Variants in TMEM117 observed in about 807,000 individuals in gnomAD.
TMEM117 encodes the protein transmembrane protein 117.
Under a neutral mutation model 52.4 loss-of-function variants are expected in TMEM117, and 27 were observed. The observed-to-expected ratio is 0.51, with a 90% confidence interval of 0.38 to 0.71. The LOEUF is 0.71. TMEM117 is among the 30% of genes least tolerant of loss of function. TMEM117 has a pLI of 0.00. For synonymous variants in TMEM117, 215 were observed against 206.3 expected (o/e 1.04, Z -0.36); for missense variants, 556 against 630.5 (o/e 0.88, Z 1.26).
intron 3 of TMEM117, among the ~76,000 whole-genome samples, chr12:44,028,857 T>C (rs1291969897): frequency 6.6e-6 from 1 of 152,160 alleles, no homozygotes; most frequent in Non-Finnish European, 1.5e-5. Flanking sequence ...GGAGTCTGGA[T>C]TGGAACTCCT....
chr12:44,289,225 TTG>T (rs59507806), intron 5 of TMEM117, among the ~76,000 whole-genome samples: 5,620 of 145,952 alleles, frequency 0.039, 190 homozygotes, highest in East Asian at 0.13. Flanking sequence ...CTATCCCATT[TTG>T]TGTGTGTGTG....
chr12:44,195,339 A>G (rs1375774585), intron 4 of TMEM117, among the ~76,000 whole-genome samples: 2 of 152,206 alleles, frequency 1.3e-5, no homozygotes, highest in Non-Finnish European at 2.9e-5. Context: ...GCATCCCTGC[A>G]TTGAATCCCT....
chr12:44,100,335 AT>A (rs1329371248), intron 3 of TMEM117, among the ~76,000 whole-genome samples: 4 of 151,974 alleles, frequency 2.6e-5, no homozygotes, highest in South Asian at 2.1e-4. Flanking sequence ...AATACTGGTC[AT>A]TTTTTTATGG....
chr12:44,016,349 C>G (rs1472525145), intron 3 of TMEM117, among the ~76,000 whole-genome samples: 1 of 152,156 alleles, frequency 6.6e-6, no homozygotes, highest in Non-Finnish European at 1.5e-5. Context: ...GCTTGCAGAC[C>G]TAACTTTGGG....
intron 4 of TMEM117, among the ~76,000 whole-genome samples, chr12:44,191,004 C>G (rs933259125): frequency 1.3e-5 from 2 of 150,404 alleles, no homozygotes; most frequent in Admixed American, 1.3e-4. Context: ...CTAATAAAGA[C>G]ATACCTGAGA....
At chr12:43,841,295 A>C (rs1943111598) in intron 1 of TMEM117, among the ~76,000 whole-genome samples, 1 of 152,190 alleles carries the variant, frequency 6.6e-6, no homozygotes, top group South Asian at 2.1e-4. Flanking sequence ...GTATATTAGA[A>C]AGATTAAGGG....
intron 3 of TMEM117, among the ~76,000 whole-genome samples, chr12:43,945,109 CTAAATAAATAAA>C (rs71091187): frequency 7.1e-6 from 1 of 141,648 alleles, no homozygotes; most frequent in Non-Finnish European, 1.5e-5. Flanking sequence ...GACTCCGTCT[CTAAATAAATAAA>C]TAAATAAATA....
rs376533284 is a variant in TMEM117, at chr12:43,907,478, A to G, written c.278-36732A>G. On this transcript the variant is annotated intron_variant, in intron 2 of 7. Coordinates refer to ENST00000266534, the MANE Select transcript of TMEM117 (RefSeq NM_032256.3). ...AGGAACGCAGTTCCTCACCAGCAAC[A>G]GAACAAAGCTGGACGGAGAATGACT... 1.1e-4 allele frequency among the ~76,000 whole-genome samples: 17 copies of G among 151,864 alleles called. 1 individual carries two copies. Among genetic ancestry groups the G allele is most frequent in the South Asian group, 1.1e-3 (5 of 4,752 alleles).
chr12:43,913,436 A>G (rs7307521), intron 2 of TMEM117, among the ~76,000 whole-genome samples: 5,525 of 152,276 alleles, frequency 0.036, 123 homozygotes, highest in Non-Finnish European at 0.041. Context: ...TGTATTAAGT[A>G]TCTGTCCCAT....
At chr12:43,994,052 A>C (rs1945989190) in intron 3 of TMEM117, among the ~76,000 whole-genome samples, 1 of 152,114 alleles carries the variant, frequency 6.6e-6, no homozygotes, top group Non-Finnish European at 1.5e-5. Flanking sequence ...TGGAGATGTT[A>C]ATGTAGAATA....
intron 3 of TMEM117, chr12:44,008,609 T>C (rs1253708541): frequency 4.8e-6 from 1 of 208,044 alleles, no homozygotes; most frequent in Non-Finnish European, 9.6e-6. Context: ...TGAAGCTCTA[T>C]GTGGTAACTC....
At chr12:43,944,604 T>A (rs1478552801) in intron 3 of TMEM117, among the ~76,000 whole-genome samples, 3 of 152,170 alleles carry the variant, frequency 2.0e-5, no homozygotes, top group Non-Finnish European at 4.4e-5. Flanking sequence ...GGTACTAATT[T>A]CATTATACTG....
chr12:44,007,617 T>A (rs1946220227), intron 3 of TMEM117, among the ~76,000 whole-genome samples: 1 of 152,058 alleles, frequency 6.6e-6, no homozygotes. Flanking sequence ...CTAAATAGTA[T>A]TGATATGGTT....
intron 3 of TMEM117, among the ~76,000 whole-genome samples, chr12:44,021,416 A>G (rs910431724): frequency 1.3e-5 from 2 of 152,144 alleles, no homozygotes; most frequent in African/African-American, 4.8e-5. Flanking sequence ...CTCCAGCCTC[A>G]TCCATGTTCC....
intron 6 of TMEM117, among the ~76,000 whole-genome samples, chr12:44,324,885 A>G (rs1195801805): frequency 1.3e-5 from 2 of 152,148 alleles, no homozygotes; most frequent in South Asian, 2.1e-4. Flanking sequence ...TGGTGCAGCA[A>G]TGAACAAGAT....
chr12:44,319,292 C>G (rs951047998), intron 6 of TMEM117, among the ~76,000 whole-genome samples: 18 of 152,218 alleles, frequency 1.2e-4, no homozygotes, highest in African/African-American at 4.1e-4. Flanking sequence ...TTCCTGGTAT[C>G]TTTTCCTCTC....
At chr12:43,929,147 C>T (rs1279295021) in intron 2 of TMEM117, among the ~76,000 whole-genome samples, 1 of 152,054 alleles carries the variant, frequency 6.6e-6, no homozygotes, top group Non-Finnish European at 1.5e-5. Flanking sequence ...ATTTCTAGTT[C>T]TAGATCCCTG....
intron 3 of TMEM117, among the ~76,000 whole-genome samples, chr12:44,040,349 C>A (rs1340838667): frequency 6.6e-6 from 1 of 152,130 alleles, no homozygotes; most frequent in Non-Finnish European, 1.5e-5. Context: ...TTCTTGCGAG[C>A]TGTACAAACT....
intron 3 of TMEM117, among the ~76,000 whole-genome samples, chr12:44,056,833 C>A (rs977403495): frequency 1.3e-5 from 2 of 152,032 alleles, no homozygotes; most frequent in African/African-American, 2.4e-5. Context: ...GATATATTAA[C>A]CTTATGGGAC....
Sources: gnomAD v4.1 joint callset for allele counts (sites outside exome capture counted in the v4.1 genomes callset) on GRCh38, gnomAD v4.1.1 for gene constraint, MANE v1.5 for transcripts, NCBI Gene and HGNC (gene_info 2026-07-23, HGNC 2026-07-21) for gene names.